The following CYSLTR2 variants were observed in gnomAD, a reference collection of about 807,000 sequenced individuals.
CYSLTR2 encodes the protein G-protein coupled receptor GPCR21.
For synonymous variants in CYSLTR2, 179 were observed against 160.8 expected, an observed-to-expected ratio of 1.11 and a Z score of -0.86; for missense variants, 398 against 411.9, an observed-to-expected ratio of 0.97 and a Z score of 0.29.
chr13:48,699,266 T>A (rs923510202), intron 4 of CYSLTR2, among the ~76,000 whole-genome samples: 5 of 152,222 alleles, frequency 3.3e-5, no homozygotes, highest in Non-Finnish European at 7.3e-5. Flanking sequence ...TACCACATAG[T>A]TGGAAGTAAA....
At chr13:48,697,282 A>T (rs1954217698) in intron 4 of CYSLTR2, among the ~76,000 whole-genome samples, 3 of 152,180 alleles carry the variant, frequency 2.0e-5, no homozygotes, top group Admixed American at 2.0e-4. Flanking sequence ...CTGACACCTC[A>T]TACAGCTGGG....
intron 1 of CYSLTR2, among the ~76,000 whole-genome samples, chr13:48,660,955 A>G (rs1319889591): frequency 1.3e-5 from 2 of 152,162 alleles, no homozygotes; most frequent in African/African-American, 2.4e-5. Context: ...AGCCTTTGCA[A>G]TAACAACAGC....
At chr13:48,672,071 A>G (rs186787971) in intron 1 of CYSLTR2, among the ~76,000 whole-genome samples, 26 of 152,246 alleles carry the variant, frequency 1.7e-4, no homozygotes, top group African/African-American at 6.3e-4. Flanking sequence ...TTATTTGCAT[A>G]GAGGTGTTTT....
At chr13:48,661,209 C>T (rs778364545) in intron 1 of CYSLTR2, among the ~76,000 whole-genome samples, 40 of 152,082 alleles carry the variant, frequency 2.6e-4, no homozygotes, top group Non-Finnish European at 5.0e-4. Flanking sequence ...GCCTCAGCCT[C>T]CCAAAGTGCT....
At chr13:48,695,391 T>TTCTTTCTCTCTC (rs71076042) in intron 3 of CYSLTR2, among the ~76,000 whole-genome samples, 3 of 138,730 alleles carry the variant, frequency 2.2e-5, no homozygotes, top group African/African-American at 5.6e-5. Context: ...CTTTCTTTCT[T>TTCTTTCTCTCTC]TCTCTCTCTC....
chr13:48,678,401 T>G (rs1953658690), intron 1 of CYSLTR2, among the ~76,000 whole-genome samples: 1 of 152,100 alleles, frequency 6.6e-6, no homozygotes, highest in African/African-American at 2.4e-5. Flanking sequence ...TTCTTTACTC[T>G]CCTTGTATCA....
intron 1 of CYSLTR2, among the ~76,000 whole-genome samples, chr13:48,667,124 G>A (rs931967424): frequency 7.2e-5 from 11 of 152,132 alleles, no homozygotes; most frequent in Non-Finnish European, 1.3e-4. Flanking sequence ...TTGGTTCTAC[G>A]TAGACATTTT....
At chr13:48,672,008 T>C (rs1480150536) in intron 1 of CYSLTR2, among the ~76,000 whole-genome samples, 2 of 152,148 alleles carry the variant, frequency 1.3e-5, no homozygotes, top group African/African-American at 4.8e-5. Flanking sequence ...TGGTTTAGTC[T>C]TGGGAGGGTG....
intron 1 of CYSLTR2, among the ~76,000 whole-genome samples, chr13:48,679,459 G>A (rs928140487): frequency 1.3e-5 from 2 of 152,170 alleles, no homozygotes; most frequent in Non-Finnish European, 2.9e-5. Context: ...AAGCAGGGCA[G>A]TGTTTTGATT....
chr13:48,662,004 C>A (rs1217448122), intron 1 of CYSLTR2, among the ~76,000 whole-genome samples: 2 of 152,156 alleles, frequency 1.3e-5, no homozygotes, highest in Non-Finnish European at 2.9e-5. Flanking sequence ...CCCTTTCCCC[C>A]ACTCTTCCAG....
intron 4 of CYSLTR2, among the ~76,000 whole-genome samples, chr13:48,701,324 T>C (rs1432835038): frequency 1.3e-5 from 2 of 152,220 alleles, no homozygotes; most frequent in Non-Finnish European, 2.9e-5. Context: ...CCAGAAGTAA[T>C]ACCATACATC....
intron 4 of CYSLTR2, 72 bp from the exon 5 acceptor site, chr13:48,706,745 G>T (rs1954498357): frequency 1.6e-6 from 2 of 1,212,610 alleles, no homozygotes; most frequent in South Asian, 2.9e-5. Context: ...CTAGAGAGAT[G>T]TAATCAGTAA....
At chr13:48,696,924 T>C (rs1397040755) in intron 4 of CYSLTR2, among the ~76,000 whole-genome samples, 2 of 151,990 alleles carry the variant, frequency 1.3e-5, no homozygotes, top group Non-Finnish European at 2.9e-5. Flanking sequence ...AGCATAACAG[T>C]CTGAGATTGA....
chr13:48,666,916 G>T (rs1040848372), intron 1 of CYSLTR2, among the ~76,000 whole-genome samples: 1 of 151,802 alleles, frequency 6.6e-6, no homozygotes, highest in Non-Finnish European at 1.5e-5. Flanking sequence ...CTATGATTTG[G>T]GTCTGTTACT....
Position 48,706,979 on chromosome 13 carries a change from G to C in CYSLTR2, c.162G>C (p.Leu54Phe). Residue 54 changes from leucine (L) to phenylalanine (F), a missense_variant, in exon 5 of 5, where the codon TTG becomes TTC. Leu to Phe is a conservative substitution (Grantham distance 22). Coordinates refer to ENST00000682523, the MANE Select transcript of CYSLTR2 (RefSeq NM_001308476.3). ...TGATAATATTTTTCTGGGGAGTCTT[G>C]GGAAATGGGTTGTCCATATATGTTT... Reference protein sequence around the residue: ...VYLIIFFWGVLGNGLSIYVFL... With the variant: ...VYLIIFFWGVFGNGLSIYVFL... 6.2e-7 allele frequency: 1 copy of C among 1,614,134 alleles called. No individual in the cohort carries two copies. Among genetic ancestry groups the C allele is most frequent in the Non-Finnish European group, 8.5e-7 (1 of 1,180,034 alleles).
intron 4 of CYSLTR2, among the ~76,000 whole-genome samples, chr13:48,698,157 G>A (rs1474896611): frequency 1.3e-5 from 2 of 152,086 alleles, no homozygotes; most frequent in Non-Finnish European, 2.9e-5. Flanking sequence ...TTGAAATTCA[G>A]GAAATACAGA....
At chr13:48,655,487 G>C (rs770815393) in intron 1 of CYSLTR2, among the ~76,000 whole-genome samples, 1 of 152,320 alleles carries the variant, frequency 6.6e-6, no homozygotes, top group Admixed American at 6.5e-5. Context: ...TCTCCCATCA[G>C]GGACTGAAAA....
At chr13:48,706,306 T>G (rs1400184606) in intron 4 of CYSLTR2, among the ~76,000 whole-genome samples, 1 of 152,226 alleles carries the variant, frequency 6.6e-6, no homozygotes, top group Non-Finnish European at 1.5e-5. Flanking sequence ...TAGTCATTCT[T>G]TTAAGATAGG....
intron 1 of CYSLTR2, among the ~76,000 whole-genome samples, chr13:48,654,795 C>T (rs1952963315): frequency 6.6e-6 from 1 of 152,210 alleles, no homozygotes; most frequent in Non-Finnish European, 1.5e-5. Context: ...TGAAGCTTAA[C>T]TTTTGGAGAT....
Sources: gnomAD v4.1 joint callset for allele counts (sites outside exome capture counted in the v4.1 genomes callset) on GRCh38, gnomAD v4.1.1 for gene constraint, MANE v1.5 for transcripts, NCBI Gene and HGNC (gene_info 2026-07-23, HGNC 2026-07-21) for gene names.